Variants in TLK2 observed in about 807,000 individuals in gnomAD.
TLK2 encodes serine/threonine-protein kinase tousled-like 2.
In TLK2, 6 loss-of-function variants were observed where a neutral mutation model predicts 117.3. The ratio of observed to expected loss-of-function variants is 0.05; its 90% confidence interval spans 0.03 to 0.10. TLK2 has a LOEUF of 0.10. TLK2 is among the 10% of genes least tolerant of loss of function. The pLI is 1.00. For synonymous variants in TLK2, 257 were observed against 316.7 expected (o/e 0.81, Z 2.00); for missense variants, 299 against 901.2 (o/e 0.33, Z 8.56).
At chr17:62,484,175 C>T (rs1398251524) in intron 2 of TLK2, among the ~76,000 whole-genome samples, 1 of 151,790 alleles carries the variant, frequency 6.6e-6, no homozygotes, top group East Asian at 1.9e-4. Flanking sequence ...ATATTGATTA[C>T]AATGAATTTG....
chr17:62,516,661 G>C (rs1598336698), intron 2 of TLK2: 26 of 1,609,742 alleles, frequency 1.6e-5, no homozygotes, highest in African/African-American at 1.6e-4. Flanking sequence ...ATTCTTGTCT[G>C]CCAGCTCCGG....
At chr17:62,480,429 A>C (rs2071498101) in intron 1 of TLK2, among the ~76,000 whole-genome samples, 1 of 152,272 alleles carries the variant, frequency 6.6e-6, no homozygotes, top group Non-Finnish European at 1.5e-5. Context: ...GGCTAAAAGC[A>C]GATGTCCAGA....
At position 62,614,216 on chromosome 17, in the gene TLK2, A is replaced by G. The variant is rs1306806286; in HGVS notation, c.*1651A>G. 1.3e-5 allele frequency: 2 copies of G among 151,376 alleles called. No homozygotes were observed. Among genetic ancestry groups the G allele is most frequent in the African/African-American group, 4.9e-5 (2 of 41,230 alleles). The allele number at this position is 151,376 out of a possible 1,614,324, so 9.4% of individuals were successfully genotyped here. On this transcript the variant is annotated 3_prime_UTR_variant, in exon 22 of 22. Coordinates refer to ENST00000346027, the MANE Select transcript of TLK2 (RefSeq NM_006852.6). Reference sequence around the variant, plus strand: ...TTCTTTTTTAATTTGGTTGTTTCTGAGATGTATGATCAACTGAAGATGGAG... The same window carrying G: ...TTCTTTTTTAATTTGGTTGTTTCTGGGATGTATGATCAACTGAAGATGGAG...
intron 2 of TLK2, among the ~76,000 whole-genome samples, chr17:62,490,895 A>C (rs2073045562): frequency 6.6e-6 from 1 of 152,144 alleles, no homozygotes; most frequent in Admixed American, 6.6e-5. Flanking sequence ...TCAAATTGAA[A>C]TCATTTTTTA....
chr17:62,563,571 G>A (rs192102828), intron 10 of TLK2, among the ~76,000 whole-genome samples: 2 of 152,322 alleles, frequency 1.3e-5, no homozygotes, highest in East Asian at 3.8e-4. Context: ...ATTGCCTGTT[G>A]GTTGAAATAG....
intron 10 of TLK2, among the ~76,000 whole-genome samples, chr17:62,562,188 C>T (rs939199088): frequency 2.0e-5 from 3 of 152,030 alleles, no homozygotes; most frequent in African/African-American, 7.2e-5. Context: ...GGTGAAACCC[C>T]ATCTCTACTA....
At position 62,612,378 on chromosome 17, in the gene TLK2, A is replaced by G; in HGVS notation, c.2080-14A>G. ...GACTATCTGCCTCTGTCTTCAAGAA[A>G]CTCTCCTTTGCAGGCGTTTATTCGA... On this transcript the variant is annotated splice_polypyrimidine_tract_variant and intron_variant, in intron 21 of 21. Transcript: ENST00000346027. The G allele has an allele frequency of 6.2e-7, 1 of 1,609,694 alleles. No individual in the cohort carries two copies.
intron 15 of TLK2, among the ~76,000 whole-genome samples, chr17:62,584,470 G>T (rs561123585): frequency 5.3e-5 from 8 of 152,092 alleles, no homozygotes; most frequent in Non-Finnish European, 1.5e-5. Context: ...AGCCATAATG[G>T]TATTCATGAT....
intron 1 of TLK2, among the ~76,000 whole-genome samples, chr17:62,480,277 T>C (rs1395142076): frequency 6.6e-6 from 1 of 152,236 alleles, no homozygotes; most frequent in East Asian, 1.9e-4. Context: ...CCACTGTTAA[T>C]ATTAAAGAGA....
At chr17:62,496,409 C>G (rs7217523) in intron 2 of TLK2, among the ~76,000 whole-genome samples, 9,982 of 152,118 alleles carry the variant, frequency 0.066, 432 homozygotes, top group African/African-American at 0.12. Context: ...CATTCAGATA[C>G]ATTTACAGGA....
chr17:62,528,588 T>C (rs557209298), intron 6 of TLK2, among the ~76,000 whole-genome samples: 2 of 152,122 alleles, frequency 1.3e-5, no homozygotes, highest in Admixed American at 1.3e-4. Flanking sequence ...GGCTAATTTT[T>C]GTGTTTTTAG....
upstream of TLK2, chr17:62,477,419 G>A (rs1171419173): frequency 6.6e-6 from 1 of 152,248 alleles, no homozygotes; most frequent in Non-Finnish European, 1.5e-5. Flanking sequence ...TTTCCACAGT[G>A]CTTGCATGTG....
At position 62,606,154 on chromosome 17, in the gene TLK2, G is replaced by T; in HGVS notation, c.1884G>T (p.Val628=). The change falls in exon 20 of 22, where the codon GTG becomes GTT. Residue 628 remains valine (V), a synonymous_variant. Coordinates refer to ENST00000346027, the MANE Select transcript of TLK2 (RefSeq NM_006852.6). ...TYWYLPPECF[V]VGKEPPKISN... ...GGTATTTACCACCAGAGTGTTTTGT[G>T]GTTGGGAAAGAACCACCAAAGATCT... The T allele has an allele frequency of 6.3e-7, 1 of 1,576,586 alleles. No individual in the cohort carries two copies. The highest frequency in any genetic ancestry group is 8.7e-7 in the Non-Finnish European group (1 of 1,155,370).
At chr17:62,578,699 C>G in intron 14 of TLK2, 125 bp downstream of exon 14, 1 of 682,582 alleles carries the variant, frequency 1.5e-6, no homozygotes, top group South Asian at 2.1e-5. Context: ...GTATTTAGCT[C>G]TTTTGTAGCA....
At chr17:62,520,695 A>T (rs1055545177) in intron 2 of TLK2, 78 bp from the exon 3 acceptor site, 139 of 1,360,022 alleles carry the variant, frequency 1.0e-4, no homozygotes, top group Non-Finnish European at 1.3e-4. Flanking sequence ...AAAAAAAAAA[A>T]ATCATCAGGC....
rs1208059888 is a variant in TLK2, at chr17:62,548,903, AT to A, written c.532-3390del. Among the ~76,000 whole-genome samples the A allele has an allele frequency of 3.5e-5, 5 of 144,638 alleles. No homozygotes were observed. The South Asian group carries it at 6.7e-4, about 19-fold the overall frequency. 94.9% of individuals were successfully genotyped at this position (144,638 alleles called of 152,430 possible). A position where few individuals can be genotyped will look rare whatever the true frequency, so the allele number is the denominator to read the frequency against. ...AGGCACCCGCCCCCACGCCCAGATT[AT>A]TTTTTTTTGTATGTTTAGTAGAGAC... On this transcript the variant is annotated intron_variant, in intron 7 of 21. Transcript: ENST00000346027.
chr17:62,606,643 T>A (rs2147261141), intron 20 of TLK2, among the ~76,000 whole-genome samples: 1 of 152,310 alleles, frequency 6.6e-6, no homozygotes, highest in South Asian at 2.1e-4. Context: ...GCCATCCCAT[T>A]AGTTGAACCT....
chr17:62,488,766 A>C (rs2072761535), intron 2 of TLK2, among the ~76,000 whole-genome samples: 1 of 152,010 alleles, frequency 6.6e-6, no homozygotes, highest in South Asian at 2.1e-4. Context: ...TAACTTATCA[A>C]AGGTTAATGT....
At chr17:62,501,292 C>A (rs1480460175) in intron 2 of TLK2, among the ~76,000 whole-genome samples, 9 of 152,006 alleles carry the variant, frequency 5.9e-5, no homozygotes, top group Non-Finnish European at 1.3e-4. Context: ...CACAGTATAT[C>A]AAAATTTGTG....
Sources: allele counts gnomAD v4.1 joint callset (sites outside exome capture counted in the v4.1 genomes callset), GRCh38; gene constraint gnomAD v4.1.1; transcripts MANE v1.5; gene names NCBI Gene and HGNC (gene_info 2026-07-23, HGNC 2026-07-21).